ARMH3: variants seen among roughly 807,000 people sequenced by gnomAD.
ARMH3 encodes armadillo-like helical domain-containing protein 3.
In ARMH3, 60 loss-of-function variants were observed where a neutral mutation model predicts 99.1. The observed-to-expected ratio is 0.61, with a 90% CI of 0.49 to 0.75. The LOEUF is 0.75. ARMH3 is among the 30% of genes least tolerant of loss of function. The probability of loss-of-function intolerance (pLI) is 0.00; values close to 1 mark genes in which losing one functional copy is unlikely to be tolerated. For missense variants in ARMH3, 679 were observed against 843.1 expected, an observed-to-expected ratio of 0.81 and a Z score of 2.41; for synonymous variants, 285 against 292.8, an observed-to-expected ratio of 0.97 and a Z score of 0.27.
Position 101,948,962 on chromosome 10 carries a change from T to C in ARMH3, c.1705+7635A>G, listed in dbSNP as rs1478398530. On this transcript the variant is annotated intron_variant, in intron 22 of 25. Coordinates refer to ENST00000370033, the MANE Select transcript of ARMH3 (RefSeq NM_024541.3). ...AATATCTGGAAAATCCCCAAGTATT[T>C]GAAAATTAAGCAACACATTTCTAAA... Among the ~76,000 whole-genome samples the C allele has an allele frequency of 3.9e-5, 6 of 152,128 alleles. No homozygotes were observed. The South Asian group carries it at 1.2e-3, about 31-fold the overall frequency.
intron 8 of ARMH3, among the ~76,000 whole-genome samples, chr10:102,019,981 G>A (rs2066842823): frequency 6.6e-6 from 1 of 151,582 alleles, no homozygotes; most frequent in Non-Finnish European, 1.5e-5. Flanking sequence ...TATTCTTTAG[G>A]AGGCCAAGGC....
intron 19 of ARMH3, among the ~76,000 whole-genome samples, chr10:101,982,041 A>C (rs1018632700): frequency 2.0e-4 from 30 of 150,872 alleles, no homozygotes; most frequent in Non-Finnish European, 2.8e-4. Context: ...AAAAAAAAAA[A>C]AAACAAAGAC....
chr10:101,977,202 C>G (rs1171093585), intron 19 of ARMH3, among the ~76,000 whole-genome samples: 1 of 152,128 alleles, frequency 6.6e-6, no homozygotes, highest in Non-Finnish European at 1.5e-5. Context: ...TTGGAATATT[C>G]AGGGTTATTC....
chr10:102,013,710 C>T (rs2066680480), intron 9 of ARMH3, among the ~76,000 whole-genome samples: 1 of 152,140 alleles, frequency 6.6e-6, no homozygotes, highest in African/African-American at 2.4e-5. Context: ...TCAACTTCAG[C>T]ACACTATAAC....
intron 24 of ARMH3, among the ~76,000 whole-genome samples, chr10:101,867,259 G>A (rs535045400): frequency 8.5e-5 from 13 of 152,218 alleles, no homozygotes; most frequent in Middle Eastern, 6.8e-3. Flanking sequence ...CTCTGAAATC[G>A]CAAAGCACCC....
intron 23 of ARMH3, among the ~76,000 whole-genome samples, chr10:101,904,260 G>C (rs187797882): frequency 6.6e-6 from 1 of 152,288 alleles, no homozygotes; most frequent in East Asian, 1.9e-4. Flanking sequence ...CGAAGAGCCT[G>C]AGCAAACACC....
At chr10:102,029,779 A>G in intron 4 of ARMH3, 34 bp from the exon 5 acceptor site, 1 of 1,592,422 alleles carries the variant, frequency 6.3e-7, no homozygotes, top group Non-Finnish European at 8.6e-7. Flanking sequence ...CTTTCTGGAG[A>G]GGAAGTCTCA....
intron 22 of ARMH3, among the ~76,000 whole-genome samples, chr10:101,943,509 C>T (rs1279651457): frequency 6.6e-6 from 1 of 152,170 alleles, no homozygotes; most frequent in Non-Finnish European, 1.5e-5. Flanking sequence ...AAAGATCCAA[C>T]TGATTCCACA....
At chr10:102,009,279 G>A (rs1271150132) in intron 13 of ARMH3, 95 bp downstream of exon 13, 1 of 1,150,272 alleles carries the variant, frequency 8.7e-7, no homozygotes, top group Non-Finnish European at 1.3e-6. Flanking sequence ...TGCAAAGCAG[G>A]GTTTAAACAA....
Position 102,049,946 on chromosome 10 carries a change from G to A in ARMH3, c.-12+6139C>T, listed in dbSNP as rs369064287. Among the ~76,000 whole-genome samples, 72 of 152,152 alleles carry A rather than the reference G, an allele frequency of 4.7e-4. No homozygotes were observed. The Middle Eastern group carries it at 0.01, about 22-fold the overall frequency. ...CCATTAAATCTTTCTCTCTGGTAGC[G>A]CTTCTCCCTATCAGAATGTCCTGTT... On this transcript the variant is annotated intron_variant, in intron 1 of 25. Transcript: ENST00000370033.
chr10:101,940,024 C>T (rs1003393496), intron 22 of ARMH3, 86 bp from the exon 23 acceptor site: 1 of 1,040,876 alleles, frequency 9.6e-7, no homozygotes, highest in Non-Finnish European at 1.4e-6. Context: ...CAGAATAGCA[C>T]TCTCAGAATA....
chr10:101,985,173 C>A (rs1771767560), intron 19 of ARMH3, among the ~76,000 whole-genome samples: 1 of 147,648 alleles, frequency 6.8e-6, no homozygotes, highest in Non-Finnish European at 1.5e-5. Context: ...TACGTGTACA[C>A]ATATATGAAT....
At chr10:102,055,327 A>AAAT (rs1421026192) in intron 1 of ARMH3, among the ~76,000 whole-genome samples, 2 of 135,262 alleles carry the variant, frequency 1.5e-5, no homozygotes, top group African/African-American at 5.6e-5. Context: ...ATAAATAAAT[A>AAAT]AAATAAAATA....
intron 8 of ARMH3, among the ~76,000 whole-genome samples, chr10:102,017,106 T>C (rs540233444): frequency 6.6e-6 from 1 of 152,346 alleles, no homozygotes; most frequent in African/African-American, 2.4e-5. Context: ...ATGAGATTGA[T>C]TGTACTGGTG....
intron 23 of ARMH3, among the ~76,000 whole-genome samples, chr10:101,930,732 C>T (rs779137611): frequency 2.5e-4 from 38 of 152,138 alleles, no homozygotes; most frequent in Non-Finnish European, 4.6e-4. Context: ...CTGGTCCCTA[C>T]TAAGCCCAGA....
intron 22 of ARMH3, among the ~76,000 whole-genome samples, chr10:101,950,557 A>G (rs1844738063): frequency 6.6e-6 from 1 of 152,246 alleles, no homozygotes; most frequent in South Asian, 2.1e-4. Context: ...ATGTCTACCA[A>G]TTGATGAATG....
intron 24 of ARMH3, among the ~76,000 whole-genome samples, chr10:101,888,682 G>C (rs1306053794): frequency 2.6e-5 from 4 of 152,192 alleles, no homozygotes; most frequent in Non-Finnish European, 5.9e-5. Flanking sequence ...CTCCAATTTG[G>C]GAGTAGGATG....
At chr10:102,007,424 GGATCTCATCA>G (rs905124996) in intron 13 of ARMH3, among the ~76,000 whole-genome samples, 1 of 151,238 alleles carries the variant, frequency 6.6e-6, no homozygotes, top group African/African-American at 2.4e-5. Flanking sequence ...TCCAGACCTG[GGATCTCATCA>G]GATCAACCTA....
At chr10:101,946,071 CAAAAAAAAAAAA>C (rs569179050) in intron 22 of ARMH3, among the ~76,000 whole-genome samples, 85 of 34,472 alleles carry the variant, frequency 2.5e-3, no homozygotes, top group Middle Eastern at 0.036. Flanking sequence ...GACTCTGCCT[CAAAAAAAAAAAA>C]AAAAAAAAAA....
Sources: allele counts gnomAD v4.1 joint callset (sites outside exome capture counted in the v4.1 genomes callset), GRCh38; gene constraint gnomAD v4.1.1; transcripts MANE v1.5; gene names NCBI Gene and HGNC (gene_info 2026-07-23, HGNC 2026-07-21).